Variants in FOXRED1 observed in about 807,000 individuals in gnomAD.
The protein encoded by FOXRED1 is FAD-dependent oxidoreductase domain-containing protein 1.
FOXRED1 carries 52 observed loss-of-function variants against 57.8 expected under a neutral mutation model. The ratio of observed to expected loss-of-function variants is 0.90; its 90% CI spans 0.72 to 1.13. The LOEUF is 1.13. Ranked by LOEUF, FOXRED1 falls within the 50% of genes most tolerant of loss-of-function variation. The probability of loss-of-function intolerance (pLI) is 0.00; values close to 1 mark genes in which losing one functional copy is unlikely to be tolerated. For missense variants in FOXRED1, 589 were observed against 625.2 expected, an observed-to-expected ratio of 0.94 and a Z score of 0.62; for synonymous variants, 271 against 248.3, an observed-to-expected ratio of 1.09 and a Z score of -0.86.
At position 126,275,673 on chromosome 11, in the gene FOXRED1, C is replaced by A; in HGVS notation, c.734-121C>A. On this transcript the variant is annotated intron_variant, in intron 6 of 10. Transcript: ENST00000263578. This position sits in a 1 kb window ranked among gnomAD's most constrained non-coding sequence, Gnocchi z 5.9. ...ATGCCAGCTCCCTCATCTCTGTTTG[C>A]TTCAGTGTCTGTGGGAAAGCTCCCA... 1.3e-6 allele frequency: 1 copy of A among 773,514 alleles called. No individual in the cohort carries two copies. Among genetic ancestry groups the A allele is most frequent in the South Asian group, 1.4e-5 (1 of 69,144 alleles). 47.9% of individuals were successfully genotyped at this position (773,514 alleles called of 1,614,324 possible).
In FOXRED1 at chr11:126,271,648, G is replaced by A; in HGVS notation, c.297G>A (p.Arg99=). The change falls in exon 2 of 11, where the codon CGG becomes CGA. Residue 99 remains arginine, a synonymous_variant. Coordinates refer to ENST00000263578, the MANE Select transcript of FOXRED1 (RefSeq NM_017547.4). This position sits in a 1 kb window ranked among gnomAD's most constrained non-coding sequence, Gnocchi z 5.3. ...CTATTCGAGTGCTAGTGGTGGAACG[G>A]GACCACACGGTGAGGTCTGGGGTAG... ...RGAIRVLVVE[R]DHTYSQASTG... is the part of the protein sequence containing the mutation. 6.2e-7 allele frequency: 1 copy of A among 1,613,292 alleles called. No individual in the cohort carries two copies. Among genetic ancestry groups the A allele is most frequent in the South Asian group, 1.1e-5 (1 of 91,044 alleles).
chr11:126,276,315 GGGGTGTGGGGTGGACA>G, intron 8 of FOXRED1, 63 bp from the exon 9 acceptor site: 1 of 1,153,378 alleles, frequency 8.7e-7, no homozygotes, highest in Non-Finnish European at 1.2e-6. Context: ...GTGTGTGTGT[GGGGTGTGGGGTGGACA>G]GGGTTGGGGA....
At position 126,273,473 on chromosome 11, in the gene FOXRED1, CT is replaced by C. The variant is rs1951048155; in HGVS notation, c.536+20del. The stretch of plus-strand genomic sequence containing the variant: ...TGCAGAGGTGGGTGCCTGGCACAGC[CT>C]CTTAGCTGCTTGGCAGCCAAAGGTG... On this transcript the variant is annotated intron_variant, in intron 4 of 10. Coordinates refer to ENST00000263578, the MANE Select transcript of FOXRED1 (RefSeq NM_017547.4). This position sits in a 1 kb window ranked among gnomAD's most constrained non-coding sequence, Gnocchi z 5.9. 2 of 1,520,900 alleles carry C rather than the reference CT, an allele frequency of 1.3e-6. No individual in the cohort carries two copies. Among genetic ancestry groups the C allele is most frequent in the Non-Finnish European group, 1.8e-6 (2 of 1,095,580 alleles). The allele number at this position is 1,520,900 out of a possible 1,614,324, so 94.2% of individuals were successfully genotyped here.
chr11:126,273,745 G>A lies in FOXRED1; in HGVS notation c.536+291G>A, dbSNP rs1326185986. The A allele has an allele frequency of 2.5e-5, 11 of 435,594 alleles. No homozygotes were observed. The highest frequency in any genetic ancestry group is 4.7e-5 in the Non-Finnish European group (11 of 233,954). The allele number at this position is 435,594 out of a possible 1,614,324, so 27.0% of individuals were successfully genotyped here. On this transcript the variant is annotated intron_variant, in intron 4 of 10. Coordinates refer to ENST00000263578, the MANE Select transcript of FOXRED1 (RefSeq NM_017547.4). This position sits in a 1 kb window ranked among gnomAD's most constrained non-coding sequence, Gnocchi z 5.9. Reference sequence around the variant, plus strand: ...TCTAGGGAAGGAGCCCACAAATCTGGGTTTTTAACAAGAACCTTAAGTCAG... The same window carrying A: ...TCTAGGGAAGGAGCCCACAAATCTGAGTTTTTAACAAGAACCTTAAGTCAG...
Position 126,277,197 on chromosome 11 carries a change from T to C in FOXRED1, c.1206+22T>C. On this transcript the variant is annotated intron_variant, in intron 10 of 10. Coordinates refer to ENST00000263578, the MANE Select transcript of FOXRED1 (RefSeq NM_017547.4). This position sits in a 1 kb window ranked among gnomAD's most constrained non-coding sequence, Gnocchi z 6.8. ...GAAGGTAACTGGCAAGGGCTGGTTT[T>C]CCTTTTTATTTTTGGACATTGGATG... 1.3e-6 allele frequency: 2 copies of C among 1,518,470 alleles called. No individual in the cohort carries two copies. Among genetic ancestry groups the C allele is most frequent in the Non-Finnish European group, 1.8e-6 (2 of 1,093,248 alleles). The allele number at this position is 1,518,470 out of a possible 1,614,324, so 94.1% of individuals were successfully genotyped here. A position where few individuals can be genotyped will look rare whatever the true frequency, so the allele number is the denominator to read the frequency against.
In FOXRED1 at chr11:126,269,226, C is replaced by G. The variant is rs141392346; in HGVS notation, c.20C>G (p.Pro7Arg). Residue 7 changes from proline to arginine, a missense_variant, in exon 1 of 11, where the codon CCG (proline) becomes CGG (arginine). Transcript: ENST00000263578. ...GGGGTTATGATTCGGAGGGTTCTGC[C>G]GCACGGCATGGGCCGGGGCCTCTTG... MIRRVL[P>R]HGMGRGLLTR... The G allele has an allele frequency of 1.9e-6, 3 of 1,613,992 alleles. No individual in the cohort carries two copies. Among genetic ancestry groups the G allele is most frequent in the Non-Finnish European group, 8.5e-7 (1 of 1,179,906 alleles).
chr11:126,277,918 G>A lies in FOXRED1; in HGVS notation c.*229G>A, dbSNP rs1263679927. On this transcript the variant is annotated 3_prime_UTR_variant, in exon 11 of 11. Coordinates refer to ENST00000263578, the MANE Select transcript of FOXRED1 (RefSeq NM_017547.4). This position sits in a 1 kb window ranked among gnomAD's most constrained non-coding sequence, Gnocchi z 6.8. ...CTAGGACTGATCTGTAGCCCATGCT[G>A]ATGTCACCCACCAGGGCAATCCATC... 2 of 674,714 alleles carry A rather than the reference G, an allele frequency of 3.0e-6. No homozygotes were observed. The allele number at this position is 674,714 out of a possible 1,614,324, so 41.8% of individuals were successfully genotyped here.
At position 126,277,590 on chromosome 11, in the gene FOXRED1, G is replaced by A; in HGVS notation, c.1362G>A (p.Glu454=). ...QAPGIGRAVA[E]MVLKGRFQTI... ...CTGGCATTGGGCGAGCTGTAGCAGA[G>A]ATGGTACTGAAGGGCAGGTTCCAGA... The change falls in exon 11 of 11, where the codon GAG becomes GAA. Residue 454 remains glutamate (E), a synonymous_variant. Transcript: ENST00000263578. This position sits in a 1 kb window ranked among gnomAD's most constrained non-coding sequence, Gnocchi z 6.8. 6.2e-7 allele frequency: 1 copy of A among 1,613,848 alleles called. No homozygotes were observed. Among genetic ancestry groups the A allele is most frequent in the Middle Eastern group, 1.6e-4 (1 of 6,062 alleles).
In FOXRED1 at chr11:126,269,213, C is replaced by T. The variant is rs756466676; in HGVS notation, c.7C>T (p.Arg3Trp). Reference sequence around the variant, plus strand: ...GTCCGGGCTCAGAGGGGTTATGATTCGGAGGGTTCTGCCGCACGGCATGGG... The same window carrying T: ...GTCCGGGCTCAGAGGGGTTATGATTTGGAGGGTTCTGCCGCACGGCATGGG... The part of the protein sequence containing the change: MI[R>W]RVLPHGMGRG... Residue 3 changes from arginine to tryptophan, a missense_variant, in exon 1 of 11, where the codon CGG becomes TGG. Physicochemically the swap from Arg to Trp is moderately radical, Grantham distance 101 (BLOSUM62 -3). Coordinates refer to ENST00000263578, the MANE Select transcript of FOXRED1 (RefSeq NM_017547.4). 2.4e-5 allele frequency: 39 copies of T among 1,613,020 alleles called. No individual in the cohort carries two copies. The highest frequency in any genetic ancestry group is 1.0e-4 in the Admixed American group (6 of 60,010).
In FOXRED1 at chr11:126,274,649, A is replaced by G; in HGVS notation, c.537-278A>G. ...GGTGACAGAGCCAGACTCATTGAAA[A>G]AAAAAAAAAGAAGTCATGGAATAGA... is the stretch of plus-strand genomic sequence containing the variant. On this transcript the variant is annotated intron_variant, in intron 4 of 10. Coordinates refer to ENST00000263578, the MANE Select transcript of FOXRED1 (RefSeq NM_017547.4). The surrounding 1 kb of genome is among the most constrained non-coding windows in gnomAD (Gnocchi z 4.8). 1 of 422,014 alleles carries G rather than the reference A, an allele frequency of 2.4e-6. No homozygotes were observed. Among genetic ancestry groups the G allele is most frequent in the Non-Finnish European group, 4.4e-6 (1 of 225,418 alleles). The allele number at this position is 422,014 out of a possible 1,614,324, so 26.1% of individuals were successfully genotyped here. A position where few individuals can be genotyped will look rare whatever the true frequency, so the allele number is the denominator to read the frequency against.
In FOXRED1 at chr11:126,273,080, G is replaced by C. The variant is rs1565353132; in HGVS notation, c.417+1G>C. 1 of 1,503,876 alleles carries C rather than the reference G, an allele frequency of 6.6e-7. No homozygotes were observed. Among genetic ancestry groups the C allele is most frequent in the Non-Finnish European group, 9.3e-7 (1 of 1,079,208 alleles). 93.2% of individuals were successfully genotyped at this position (1,503,876 alleles called of 1,614,324 possible). On this transcript the variant is annotated splice_donor_variant, in intron 3 of 10. Transcript: ENST00000263578. LOFTEE classifies it high-confidence loss of function. The surrounding 1 kb of genome is among the most constrained non-coding windows in gnomAD (Gnocchi z 5.9). Reference sequence around the variant, plus strand: ...AGCCAGCTTTCTACGGAACATCAATGTAGGTGCAATGATATCCGGGATGTT... The same window carrying C: ...AGCCAGCTTTCTACGGAACATCAATCTAGGTGCAATGATATCCGGGATGTT...
Position 126,277,856 on chromosome 11 carries a change from G to T in FOXRED1, c.*167G>T, listed in dbSNP as rs750295483. The T allele has an allele frequency of 2.6e-6, 2 of 757,312 alleles. No individual in the cohort carries two copies. Among genetic ancestry groups the T allele is most frequent in the East Asian group, 2.6e-5 (1 of 38,230 alleles). 46.9% of individuals were successfully genotyped at this position (757,312 alleles called of 1,614,324 possible). A position where few individuals can be genotyped will look rare whatever the true frequency, so the allele number is the denominator to read the frequency against. ...CCATATGGCTGGGCAGGCACAGGCA[G>T]TGAGGCCGAGGCCAATAGCGAGTGA... On this transcript the variant is annotated 3_prime_UTR_variant, in exon 11 of 11. Transcript: ENST00000263578. The surrounding 1 kb of genome is among the most constrained non-coding windows in gnomAD (Gnocchi z 6.8).
At chr11:126,276,264 A>T in intron 8 of FOXRED1, 45 bp downstream of exon 8, 2 of 404,302 alleles carry the variant, frequency 4.9e-6, no homozygotes, top group Non-Finnish European at 6.2e-6. Context: ...AGAAAGAAAG[A>T]AATGACATCG....
chr11:126,271,693 C>A lies in FOXRED1; in HGVS notation c.306+36C>A, dbSNP rs1950990761. On this transcript the variant is annotated intron_variant, in intron 2 of 10. Transcript: ENST00000263578. The surrounding 1 kb of genome is among the most constrained non-coding windows in gnomAD (Gnocchi z 5.3). ...GGGTAGGGCAGAGTCATGAGTGGGG[C>A]AAGAAAGATGACTCATTTTATTAAG... The A allele has an allele frequency of 5.3e-6, 8 of 1,512,682 alleles. No individual in the cohort carries two copies. Among genetic ancestry groups the A allele is most frequent in the Non-Finnish European group, 6.4e-6 (7 of 1,089,696 alleles). 93.7% of individuals were successfully genotyped at this position (1,512,682 alleles called of 1,614,324 possible).
chr11:126,277,979 A>G lies in FOXRED1; in HGVS notation c.*290A>G. ...AGCACCCTGGCCCAGGACTGGCTTC[A>G]TCCTGGCACTGACCAGGAAAGACTG... On this transcript the variant is annotated 3_prime_UTR_variant, in exon 11 of 11. Coordinates refer to ENST00000263578, the MANE Select transcript of FOXRED1 (RefSeq NM_017547.4). The surrounding 1 kb of genome is among the most constrained non-coding windows in gnomAD (Gnocchi z 6.8). The G allele has an allele frequency of 3.3e-6, 2 of 611,320 alleles. No homozygotes were observed. Among genetic ancestry groups the G allele is most frequent in the Non-Finnish European group, 6.1e-6 (2 of 328,176 alleles). The allele number at this position is 611,320 out of a possible 1,614,324, so 37.9% of individuals were successfully genotyped here.
Position 126,271,435 on chromosome 11 carries a change from A to C in FOXRED1, c.86-2A>C, listed in dbSNP as rs1411048467. The C allele has an allele frequency of 6.2e-7, 1 of 1,607,434 alleles. No individual in the cohort carries two copies. The highest frequency in any genetic ancestry group is 8.5e-7 in the Non-Finnish European group (1 of 1,173,830). Reference sequence around the variant, plus strand: ...CCCTCTGACCCTAACTACATCCCACAGACTGGGATGGAAAGGTGTCTGAGA... The same window carrying C: ...CCCTCTGACCCTAACTACATCCCACCGACTGGGATGGAAAGGTGTCTGAGA... On this transcript the variant is annotated splice_acceptor_variant, in intron 1 of 10. Transcript: ENST00000263578. LOFTEE classifies it high-confidence loss of function. The surrounding 1 kb of genome is among the most constrained non-coding windows in gnomAD (Gnocchi z 5.3).
intron 9 of FOXRED1, chr11:126,276,820 G>A (rs1951163106): frequency 4.0e-6 from 2 of 495,746 alleles, no homozygotes; most frequent in South Asian, 4.1e-5. Flanking sequence ...AGGTTGCAGT[G>A]AGCCAAGATT....
At chr11:126,276,876 C>CAA (rs202024738) in intron 9 of FOXRED1, 195 bp from the exon 10 acceptor site, 1,740 of 474,424 alleles carry the variant, frequency 3.7e-3, no homozygotes, top group East Asian at 9.9e-3. Flanking sequence ...AACTCCATCT[C>CAA]AAAAAAAAAA....
intron 9 of FOXRED1, chr11:126,276,787 A>G: frequency 2.0e-6 from 1 of 488,426 alleles, no homozygotes; most frequent in East Asian, 4.1e-5. Flanking sequence ...GAGGCAGGAG[A>G]ATCACTGGAA....
Sources: allele counts gnomAD v4.1 joint callset, GRCh38; gene constraint gnomAD v4.1.1; non-coding constraint Gnocchi (gnomAD v3.1); transcripts MANE v1.5; gene names NCBI Gene and HGNC (gene_info 2026-07-23, HGNC 2026-07-21).